FRAS1: variants seen among roughly 807,000 people sequenced by gnomAD.
FRAS1 encodes the protein extracellular matrix organizing protein FRAS1.
A neutral mutation model predicts 435.2 loss-of-function variants in FRAS1; 290 were observed. That is an observed-to-expected ratio of 0.67 (90% CI 0.61 to 0.73). The LOEUF is 0.73. Ranked by LOEUF, FRAS1 falls within the 30% of genes least tolerant of loss-of-function variation. The pLI is 0.00. For synonymous variants in FRAS1, 1,800 were observed against 1,851.0 expected, an observed-to-expected ratio of 0.97 and a Z score of 0.71; for missense variants, 4,860 against 5,001.5, an observed-to-expected ratio of 0.97 and a Z score of 0.85.
intron 47 of FRAS1, among the ~76,000 whole-genome samples, chr4:78,454,208 A>G (rs1294318820): frequency 6.6e-6 from 1 of 151,416 alleles, no homozygotes; most frequent in Non-Finnish European, 1.5e-5. Flanking sequence ...AGACAGAGGG[A>G]TCAGCAAACA....
At chr4:78,527,911 T>A (rs537575115) in intron 70 of FRAS1, among the ~76,000 whole-genome samples, 1 of 152,062 alleles carries the variant, frequency 6.6e-6, no homozygotes, top group African/African-American at 2.4e-5. Context: ...CAGAGCCAGA[T>A]ATTTGAGCGG....
chr4:78,431,792 T>G (rs983186473), intron 37 of FRAS1, among the ~76,000 whole-genome samples: 3 of 152,174 alleles, frequency 2.0e-5, no homozygotes, highest in Non-Finnish European at 4.4e-5. Context: ...GAAATTTTTT[T>G]TTACATAATG....
chr4:78,172,258 G>A (rs532687996), intron 2 of FRAS1, among the ~76,000 whole-genome samples: 29 of 152,280 alleles, frequency 1.9e-4, no homozygotes, highest in Non-Finnish European at 3.1e-4. Context: ...AGTGAAAGCT[G>A]TATGTGTAGT....
In FRAS1 at chr4:78,407,775, C is replaced by A. The variant is rs774920669; in HGVS notation, c.4242C>A (p.Ile1414=). 3 of 1,613,894 alleles carry A rather than the reference C, an allele frequency of 1.9e-6. No homozygotes were observed. In the South Asian group the frequency reaches 3.3e-5, roughly 18 times the overall value. ...TPTSTFTQQD[I]NEGIVWYRHS... ...CCAGCACCTTCACCCAGCAGGACAT[C>A]AATGAAGGCATCGTATGGTACAGGC... Residue 1414 remains isoleucine (I), a synonymous_variant, in exon 31 of 74, where the codon ATC becomes ATA. Transcript: ENST00000512123.
chr4:78,259,068 G>C (rs1229455565), intron 6 of FRAS1, among the ~76,000 whole-genome samples: 7 of 115,448 alleles, frequency 6.1e-5, no homozygotes, highest in African/African-American at 2.2e-4. Flanking sequence ...AGTATTCCAT[G>C]GTGTATATGT....
At chr4:78,124,493 G>A (rs947976198) in intron 2 of FRAS1, among the ~76,000 whole-genome samples, 9 of 152,200 alleles carry the variant, frequency 5.9e-5, no homozygotes, top group African/African-American at 1.9e-4. Context: ...CTCATAAAAT[G>A]AGTTAGGGAG....
At chr4:78,113,316 G>A (rs537095956) in intron 2 of FRAS1, among the ~76,000 whole-genome samples, 140 of 152,318 alleles carry the variant, frequency 9.2e-4, no homozygotes, top group African/African-American at 3.3e-3. Context: ...ATAGCAGCAT[G>A]ATTTATAATC....
At chr4:78,181,865 G>A in intron 2 of FRAS1, 2 of 1,611,972 alleles carry the variant, frequency 1.2e-6, no homozygotes, top group Non-Finnish European at 1.7e-6. Flanking sequence ...GTTGGAGTTG[G>A]TCTGGGCCGC....
chr4:78,359,528 T>G (rs1207562934), intron 20 of FRAS1, among the ~76,000 whole-genome samples: 1 of 152,104 alleles, frequency 6.6e-6, no homozygotes, highest in Non-Finnish European at 1.5e-5. Flanking sequence ...AATGATATAA[T>G]TGGTCTTCTG....
At chr4:78,344,761 G>T (rs907461871) in intron 20 of FRAS1, among the ~76,000 whole-genome samples, 1 of 152,108 alleles carries the variant, frequency 6.6e-6, no homozygotes, top group African/African-American at 2.4e-5. Flanking sequence ...ACTGCCACAT[G>T]TACATGCGTT....
chr4:78,455,117 G>A (rs1162050975), intron 47 of FRAS1, among the ~76,000 whole-genome samples: 13 of 152,122 alleles, frequency 8.5e-5, no homozygotes, highest in Admixed American at 8.5e-4. Flanking sequence ...TCTTTGCTCT[G>A]AGGGGCCCCT....
chr4:78,427,132 C>T (rs142034855), intron 35 of FRAS1, among the ~76,000 whole-genome samples: 1 of 152,288 alleles, frequency 6.6e-6, no homozygotes, highest in East Asian at 1.9e-4. Context: ...AGGCTCTGCC[C>T]TCATGAATGG....
intron 2 of FRAS1, among the ~76,000 whole-genome samples, chr4:78,234,236 A>C (rs1724639080): frequency 6.6e-6 from 1 of 151,516 alleles, no homozygotes; most frequent in Non-Finnish European, 1.5e-5. Context: ...ATTTTTATTT[A>C]TTTTTTTGAG....
intron 20 of FRAS1, among the ~76,000 whole-genome samples, chr4:78,345,558 A>T (rs1350288960): frequency 1.3e-5 from 2 of 150,176 alleles, no homozygotes; most frequent in Non-Finnish European, 3.0e-5. Flanking sequence ...CGTGTCTTCT[A>T]TTTTTTTAAC....
intron 2 of FRAS1, among the ~76,000 whole-genome samples, chr4:78,201,982 AC>A (rs1723068753): frequency 1.3e-5 from 2 of 151,996 alleles, no homozygotes; most frequent in African/African-American, 2.4e-5. Context: ...TAGACTATCC[AC>A]CCCACCCTCC....
intron 30 of FRAS1, among the ~76,000 whole-genome samples, chr4:78,401,273 CTT>C (rs1732883018): frequency 6.6e-6 from 1 of 152,000 alleles, no homozygotes; most frequent in Non-Finnish European, 1.5e-5. Flanking sequence ...CTTAATGAGA[CTT>C]AAAAAAAATA....
chr4:78,096,863 G>A (rs1182927570), intron 2 of FRAS1, among the ~76,000 whole-genome samples: 1 of 152,178 alleles, frequency 6.6e-6, no homozygotes, highest in African/African-American at 2.4e-5. Context: ...ATTGCCTTGG[G>A]GATTAACATT....
At chr4:78,374,368 G>A in intron 25 of FRAS1, 117 bp downstream of exon 25, 1 of 1,036,324 alleles carries the variant, frequency 9.6e-7, no homozygotes, top group Non-Finnish European at 1.4e-6. Context: ...AAAGCCCAGA[G>A]GGCTTAGCCT....
chr4:78,354,023 T>A lies in FRAS1; in HGVS notation c.2423-9490T>A, dbSNP rs796376422. On this transcript the variant is annotated intron_variant, in intron 20 of 73. Transcript: ENST00000512123. ...CAAAAAAATTAAAAAAAAAATAAAA[T>A]AAAAAAAAAAAAAAAAAAAAAGCTT... Among the ~76,000 whole-genome samples, 118 of 106,052 alleles carry A rather than the reference T, an allele frequency of 1.1e-3. 8 individuals are homozygous for A. Among genetic ancestry groups the A allele is most frequent in the South Asian group, 5.4e-3 (10 of 1,844 alleles). 69.6% of individuals were successfully genotyped at this position (106,052 alleles called of 152,430 possible). A position where few individuals can be genotyped will look rare whatever the true frequency, so the allele number is the denominator to read the frequency against.
Sources: gnomAD v4.1 joint callset for allele counts (sites outside exome capture counted in the v4.1 genomes callset) on GRCh38, gnomAD v4.1.1 for gene constraint, MANE v1.5 for transcripts, NCBI Gene and HGNC (gene_info 2026-07-23, HGNC 2026-07-21) for gene names.